Variants in CEP128 observed in about 807,000 individuals in gnomAD.
The protein encoded by CEP128 is centrosomal protein 128, also known as centrosomal protein 128kDa.
Under a neutral mutation model 156.7 loss-of-function variants are expected in CEP128, and 132 were observed. The observed-to-expected ratio is 0.84, with a 90% CI of 0.73 to 0.97. CEP128 has a LOEUF of 0.97. Among genes scored for constraint, CEP128 ranks in the 50% least tolerant of loss-of-function variants. The pLI, the probability that CEP128 is intolerant of heterozygous loss-of-function variation, is 0.00. For synonymous variants in CEP128, 469 were observed against 448.9 expected (o/e 1.04, Z -0.57); for missense variants, 1,252 against 1,281.9 (o/e 0.98, Z 0.36).
At chr14:80,602,107 T>C (rs569196048) in intron 19 of CEP128, among the ~76,000 whole-genome samples, 2 of 152,078 alleles carry the variant, frequency 1.3e-5, no homozygotes, top group East Asian at 3.9e-4. Context: ...ACAAAGGACA[T>C]AAAATAATAA....
At chr14:80,659,214 C>T (rs1006852329) in intron 19 of CEP128, among the ~76,000 whole-genome samples, 1 of 152,032 alleles carries the variant, frequency 6.6e-6, no homozygotes, top group Non-Finnish European at 1.5e-5. Flanking sequence ...TGGAGAAGAA[C>T]ATTCTAGAGA....
intron 3 of CEP128, 151 bp from the exon 4 acceptor site, chr14:80,914,559 T>TA: frequency 1.7e-6 from 1 of 578,014 alleles, no homozygotes; most frequent in Non-Finnish European, 3.1e-6. Context: ...TCACACATAT[T>TA]AAGTAAATCT....
chr14:80,861,840 A>T (rs1887527672), intron 9 of CEP128, among the ~76,000 whole-genome samples: 2 of 152,340 alleles, frequency 1.3e-5, no homozygotes, highest in Non-Finnish European at 2.9e-5. Flanking sequence ...ATATCAAATT[A>T]TATAGATGAA....
chr14:80,636,499 CAT>C (rs1595128259), intron 19 of CEP128, among the ~76,000 whole-genome samples: 1 of 152,152 alleles, frequency 6.6e-6, no homozygotes, highest in Non-Finnish European at 1.5e-5. Context: ...TGCAGAAACA[CAT>C]GTTATTCTCC....
chr14:80,767,676 C>G (rs1427446624), intron 16 of CEP128, among the ~76,000 whole-genome samples: 2 of 152,056 alleles, frequency 1.3e-5, no homozygotes, highest in African/African-American at 4.8e-5. Context: ...AGTTCTTGCA[C>G]AGGAATATTA....
At chr14:80,728,285 C>T (rs1898095867) in intron 19 of CEP128, among the ~76,000 whole-genome samples, 1 of 152,118 alleles carries the variant, frequency 6.6e-6, no homozygotes, top group Admixed American at 6.6e-5. Flanking sequence ...ATCACATGTT[C>T]CCACTTATTA....
intron 19 of CEP128, among the ~76,000 whole-genome samples, chr14:80,741,653 T>C (rs1261259450): frequency 1.3e-5 from 2 of 152,290 alleles, no homozygotes; most frequent in African/African-American, 2.4e-5. Context: ...AACTCTGAGA[T>C]GGCATTAATT....
chr14:80,513,269 C>T (rs1888341102), intron 23 of CEP128, among the ~76,000 whole-genome samples: 1 of 152,122 alleles, frequency 6.6e-6, no homozygotes, highest in African/African-American at 2.4e-5. Context: ...AAGTTGTATT[C>T]CTTCAGCAAT....
At chr14:80,803,701 G>T (rs1371010647) in intron 13 of CEP128, among the ~76,000 whole-genome samples, 1 of 152,156 alleles carries the variant, frequency 6.6e-6, no homozygotes, top group Non-Finnish European at 1.5e-5. Context: ...CTTTTTGTAA[G>T]ACTGCAAATT....
In CEP128 at chr14:80,750,576, T is replaced by C. The variant is rs181021633; in HGVS notation, c.2613+6316A>G. On this transcript the variant is annotated intron_variant, in intron 18 of 24. Transcript: ENST00000555265. The stretch of plus-strand genomic sequence containing the variant: ...ATCTCTTCTAACCCAGTGATTTAAC[T>C]GCAAATTTAAAAAATCACTTCACGT... 9.2e-5 allele frequency among the ~76,000 whole-genome samples: 14 copies of C among 152,322 alleles called. No homozygotes were observed. In the East Asian group the frequency reaches 2.7e-3, roughly 29 times the overall value.
At chr14:80,711,430 TAAGA>T (rs1431644609) in intron 19 of CEP128, among the ~76,000 whole-genome samples, 1 of 151,760 alleles carries the variant, frequency 6.6e-6, no homozygotes, top group African/African-American at 2.4e-5. Context: ...CAAACATACA[TAAGA>T]AAGAGGCTAG....
intron 2 of CEP128, among the ~76,000 whole-genome samples, chr14:80,947,299 C>T (rs946637766): frequency 2.0e-5 from 3 of 152,060 alleles, no homozygotes; most frequent in African/African-American, 7.2e-5. Context: ...CTGTCAGCTA[C>T]ACTGTTCTGC....
chr14:80,945,730 T>A (rs1886325666), upstream of CEP128: 1 of 152,214 alleles, frequency 6.6e-6, no homozygotes, highest in Non-Finnish European at 1.5e-5. Context: ...GAGGTGACCA[T>A]CTTCACCTGT....
intron 13 of CEP128, among the ~76,000 whole-genome samples, chr14:80,815,290 C>T (rs1283125391): frequency 6.6e-6 from 1 of 152,170 alleles, no homozygotes; most frequent in Non-Finnish European, 1.5e-5. Context: ...AGAAGACATA[C>T]ATGGCCAACA....
Position 80,831,218 on chromosome 14 carries a change from T to A in CEP128, c.1134A>T (p.Ala378=), listed in dbSNP as rs1566657558. ...ACCGTTTCACTTCCTCTAACTCAGA[T>A]GCCATTGCGCTGAAGTTCAGCTGCA... ...LRVQLNFSAM[A]SELEEVKRCM... is the part of the protein sequence containing the mutation. Residue 378 remains alanine, a synonymous_variant, in exon 13 of 25, where the codon GCA becomes GCT. Transcript: ENST00000555265. 11 of 1,613,992 alleles carry A rather than the reference T, an allele frequency of 6.8e-6. No homozygotes were observed. The highest frequency in any genetic ancestry group is 9.3e-6 in the Non-Finnish European group (11 of 1,179,862).
intron 19 of CEP128, among the ~76,000 whole-genome samples, chr14:80,729,127 G>GTGTGTGTGTGTGTGTT (rs1222842349): frequency 8.7e-6 from 1 of 115,036 alleles, no homozygotes; most frequent in Admixed American, 9.4e-5. Context: ...GTGTGTGTGT[G>GTGTGTGTGTGTGTGTT]TTTACCCAGT....
intron 23 of CEP128, among the ~76,000 whole-genome samples, chr14:80,523,209 C>T (rs1566755700): frequency 6.6e-6 from 1 of 152,224 alleles, no homozygotes; most frequent in Non-Finnish European, 1.5e-5. Context: ...GCTATTCCAA[C>T]AGTTATTTGT....
intron 8 of CEP128, 35 bp downstream of exon 8, chr14:80,895,683 T>C: frequency 1.4e-6 from 2 of 1,447,178 alleles, no homozygotes; most frequent in East Asian, 2.4e-5. Flanking sequence ...CCTCTACATG[T>C]GAAATAAAAC....
At chr14:80,758,510 G>A (rs1310341366) in intron 17 of CEP128, among the ~76,000 whole-genome samples, 1 of 138,968 alleles carries the variant, frequency 7.2e-6, no homozygotes, top group Admixed American at 7.4e-5. Context: ...GGACAAGAGA[G>A]AGACTTTGTC....
Sources: gnomAD v4.1 joint callset for allele counts (sites outside exome capture counted in the v4.1 genomes callset) on GRCh38, gnomAD v4.1.1 for gene constraint, MANE v1.5 for transcripts, NCBI Gene and HGNC (gene_info 2026-07-23, HGNC 2026-07-21) for gene names.